ADAMTS18: variants seen among roughly 807,000 people sequenced by gnomAD.
ADAMTS18 encodes ADAM metallopeptidase with thrombospondin type 1 motif 18, also known as A disintegrin and metalloproteinase with thrombospondin motifs 18.
Under a neutral mutation model 165.9 loss-of-function variants are expected in ADAMTS18, and 157 were observed. That is an observed-to-expected ratio of 0.95 (90% CI 0.83 to 1.08). The LOEUF (loss-of-function observed/expected upper bound fraction) is 1.08, where lower values mean the gene tolerates loss of function less well. ADAMTS18 is among the 50% of genes least tolerant of loss of function. The pLI, the probability that ADAMTS18 is intolerant of heterozygous loss-of-function variation, is 0.00. For synonymous variants in ADAMTS18, 782 were observed against 578.2 expected, an observed-to-expected ratio of 1.35 and a Z score of -5.06; for missense variants, 2,040 against 1,534.0, an observed-to-expected ratio of 1.33 and a Z score of -5.51.
Position 77,372,494 on chromosome 16 carries a change from G to A in ADAMTS18, c.496-4771C>T, listed in dbSNP as rs553833199. Among the ~76,000 whole-genome samples, 9 of 152,326 alleles carry A rather than the reference G, an allele frequency of 5.9e-5. No homozygotes were observed. The East Asian group carries it at 1.4e-3, about 23-fold the overall frequency. On this transcript the variant is annotated intron_variant, in intron 3 of 22. Coordinates refer to ENST00000282849, the MANE Select transcript of ADAMTS18 (RefSeq NM_199355.4). ...TAGTCATCTCAGGAGCTGTGGCATC[G>A]ACATGATGTGTAGAGCCTGAAATCA... is the stretch of plus-strand genomic sequence containing the variant.
intron 10 of ADAMTS18, among the ~76,000 whole-genome samples, chr16:77,351,453 C>G (rs2056554601): frequency 6.6e-6 from 1 of 152,168 alleles, no homozygotes; most frequent in African/African-American, 2.4e-5. Context: ...TGCACACTGC[C>G]TGACACAGAC....
rs74025772 is a variant in ADAMTS18, at chr16:77,287,180, C to A, written c.3550+2084G>T. On this transcript the variant is annotated intron_variant, in intron 22 of 22. Coordinates refer to ENST00000282849, the MANE Select transcript of ADAMTS18 (RefSeq NM_199355.4). The stretch of plus-strand genomic sequence containing the variant: ...ACTCTCACAGTGCCTAGCAGAGTAC[C>A]GTACCTGGTCCACAGTGGGGGGCTC... Among the ~76,000 whole-genome samples, 1,248 of 152,254 alleles carry A rather than the reference C, an allele frequency of 8.2e-3. 21 individuals are homozygous for A. The highest frequency in any genetic ancestry group is 0.028 in the African/African-American group (1,167 of 41,554).
intron 3 of ADAMTS18, among the ~76,000 whole-genome samples, chr16:77,424,922 C>G (rs574424006): frequency 1.3e-5 from 2 of 152,190 alleles, no homozygotes; most frequent in African/African-American, 4.8e-5. Flanking sequence ...AGCCTAGTTT[C>G]TTTCTGCCCG....
chr16:77,418,485 A>G (rs907538005), intron 3 of ADAMTS18, among the ~76,000 whole-genome samples: 1 of 152,084 alleles, frequency 6.6e-6, no homozygotes, highest in Non-Finnish European at 1.5e-5. Context: ...ATGCTGCTAA[A>G]CCTCCTACAA....
At chr16:77,372,639 T>A (rs2056892596) in intron 3 of ADAMTS18, among the ~76,000 whole-genome samples, 1 of 152,214 alleles carries the variant, frequency 6.6e-6, no homozygotes, top group Non-Finnish European at 1.5e-5. Flanking sequence ...CGTGGCCTTA[T>A]GAAGATTATG....
rs776430916 is a variant in ADAMTS18, at chr16:77,424,697, T to C, written c.495+6598A>G. On this transcript the variant is annotated intron_variant, in intron 3 of 22. Transcript: ENST00000282849. The stretch of plus-strand genomic sequence containing the variant: ...GAAGAGGAGAGAAGCCAGAACAAAA[T>C]AACAAAAAAAAACCTTTTTAACCTT... 1.6e-4 allele frequency among the ~76,000 whole-genome samples: 25 copies of C among 151,812 alleles called. 1 individual carries two copies. The highest frequency in any genetic ancestry group is 6.6e-5 in the Admixed American group (1 of 15,258).
At chr16:77,324,390 G>C (rs12596166) in intron 13 of ADAMTS18, among the ~76,000 whole-genome samples, 53,654 of 152,064 alleles carry the variant, frequency 0.35, 11,087 homozygotes, top group East Asian at 0.88. Context: ...ACTTACAGAG[G>C]GAGTATATTT....
intron 3 of ADAMTS18, among the ~76,000 whole-genome samples, chr16:77,392,329 C>T (rs1028239764): frequency 6.6e-6 from 1 of 152,194 alleles, no homozygotes; most frequent in East Asian, 1.9e-4. Flanking sequence ...CCCTCATTAA[C>T]TGAGTCCCAG....
At chr16:77,320,129 C>T in intron 15 of ADAMTS18, 36 bp from the exon 16 acceptor site, 9 of 1,613,336 alleles carry the variant, frequency 5.6e-6, no homozygotes, top group Non-Finnish European at 7.6e-6. Flanking sequence ...TGAATTCCAC[C>T]CCATGCATTG....
At chr16:77,394,703 A>G (rs2057234219) in intron 3 of ADAMTS18, among the ~76,000 whole-genome samples, 1 of 152,236 alleles carries the variant, frequency 6.6e-6, no homozygotes, top group Non-Finnish European at 1.5e-5. Context: ...AAATTTCAAG[A>G]AAGTATTTAG....
intron 3 of ADAMTS18, among the ~76,000 whole-genome samples, chr16:77,392,214 A>G (rs2057197569): frequency 6.6e-6 from 1 of 152,308 alleles, no homozygotes. Flanking sequence ...CTCGGAGTAA[A>G]GGCTGAAGCT....
intron 16 of ADAMTS18, among the ~76,000 whole-genome samples, chr16:77,303,000 G>A (rs1186930438): frequency 6.6e-6 from 1 of 152,122 alleles, no homozygotes; most frequent in Non-Finnish European, 1.5e-5. Flanking sequence ...AATTATCAAT[G>A]CAACCAACAA....
At chr16:77,340,401 C>A (rs1365701081) in intron 11 of ADAMTS18, among the ~76,000 whole-genome samples, 2 of 152,130 alleles carry the variant, frequency 1.3e-5, no homozygotes, top group African/African-American at 4.8e-5. Flanking sequence ...TCTTGAACTT[C>A]TGACCTCAAG....
chr16:77,367,619 G>A lies in ADAMTS18; in HGVS notation c.600C>T (p.His200=), dbSNP rs202096983. The stretch of plus-strand genomic sequence containing the variant: ...CCTCTGCTGTCCTTTTGTACAGTAC[G>A]TGAGGATGGTGACCCGCAGGGGAGC... ...NYSSPAGHHP[H]VLYKRTAEEK... The change falls in exon 4 of 23, where the codon CAC becomes CAT. Residue 200 remains histidine (H), a synonymous_variant. Coordinates refer to ENST00000282849, the MANE Select transcript of ADAMTS18 (RefSeq NM_199355.4). 6.5e-5 allele frequency: 105 copies of A among 1,614,180 alleles called. No homozygotes were observed. The East Asian group carries it at 1.2e-3, about 18-fold the overall frequency.
chr16:77,397,865 T>C lies in ADAMTS18; in HGVS notation c.496-30142A>G, dbSNP rs748652838. ...AGTAAGCACCTTCCCTACTGAGATG[T>C]AGCCTCCTGTCCCTGTCTGCCACAG... On this transcript the variant is annotated intron_variant, in intron 3 of 22. Transcript: ENST00000282849. Among the ~76,000 whole-genome samples, 8 of 152,232 alleles carry C rather than the reference T, an allele frequency of 5.3e-5. 1 individual carries two copies. The highest frequency in any genetic ancestry group is 1.2e-4 in the Non-Finnish European group (8 of 68,038).
At chr16:77,334,789 A>AATATACTGTATACTATAGTATACAGTAT (rs2056274657) in intron 12 of ADAMTS18, among the ~76,000 whole-genome samples, 4 of 23,938 alleles carry the variant, frequency 1.7e-4, no homozygotes, top group African/African-American at 7.7e-4. Flanking sequence ...GTATACAGTA[A>AATATACTGTATACTATAGTATACAGTAT]ATATACTATA....
chr16:77,286,243 T>TAAA (rs1261099577), intron 22 of ADAMTS18, among the ~76,000 whole-genome samples: 12 of 152,208 alleles, frequency 7.9e-5, no homozygotes, highest in Non-Finnish European at 1.3e-4. Context: ...GTTTAAGTGC[T>TAAA]AAATAATCAA....
chr16:77,296,877 T>C (rs1357034574), intron 18 of ADAMTS18, among the ~76,000 whole-genome samples: 3 of 152,230 alleles, frequency 2.0e-5, no homozygotes, highest in African/African-American at 7.2e-5. Context: ...TGCTTTTAAA[T>C]AGCCAGTAAA....
intron 12 of ADAMTS18, among the ~76,000 whole-genome samples, chr16:77,334,649 C>CT (rs1214454313): frequency 9.1e-6 from 1 of 109,714 alleles, no homozygotes; most frequent in African/African-American, 3.7e-5. Context: ...AGTGTATATA[C>CT]ACTATATACT....
Sources: gnomAD v4.1 joint callset for allele counts (sites outside exome capture counted in the v4.1 genomes callset) on GRCh38, gnomAD v4.1.1 for gene constraint, MANE v1.5 for transcripts, NCBI Gene and HGNC (gene_info 2026-07-23, HGNC 2026-07-21) for gene names.